Variants in DOCK9 observed in about 807,000 individuals in gnomAD.
DOCK9 encodes the protein dedicator of cytokinesis protein 9.
DOCK9 carries 89 observed loss-of-function variants against 263.3 expected under a neutral mutation model. That is an observed-to-expected ratio of 0.34 (90% confidence interval 0.28 to 0.40). The LOEUF (loss-of-function observed/expected upper bound fraction) is 0.40, where lower values mean the gene tolerates loss of function less well. Among genes scored for constraint, DOCK9 ranks in the 10% least tolerant of loss-of-function variants. The probability of loss-of-function intolerance (pLI) is 1.00; values close to 1 mark genes in which losing one functional copy is unlikely to be tolerated. For synonymous variants in DOCK9, 976 were observed against 973.1 expected, an observed-to-expected ratio of 1.00 and a Z score of -0.06; for missense variants, 2,140 against 2,603.4, an observed-to-expected ratio of 0.82 and a Z score of 3.87.
intron 7 of DOCK9, among the ~76,000 whole-genome samples, 191 bp downstream of exon 7, chr13:98,920,763 A>C (rs1236687280): frequency 6.6e-6 from 1 of 152,256 alleles, no homozygotes; most frequent in Non-Finnish European, 1.5e-5. Flanking sequence ...CCACAGCATA[A>C]TTCTGCCTCT....
At chr13:98,937,821 T>C (rs2140447101) in intron 2 of DOCK9, among the ~76,000 whole-genome samples, 1 of 152,196 alleles carries the variant, frequency 6.6e-6, no homozygotes, top group African/African-American at 2.4e-5. Flanking sequence ...ATGACAAATT[T>C]CAAATAGATC....
At position 98,879,898 on chromosome 13, in the gene DOCK9, C is replaced by A; in HGVS notation, c.2943G>T (p.Lys981Asn). 6.2e-7 allele frequency: 1 copy of A among 1,604,806 alleles called. No homozygotes were observed. Among genetic ancestry groups the A allele is most frequent in the Non-Finnish European group, 8.5e-7 (1 of 1,177,456 alleles). Residue 981 changes from lysine (K) to asparagine (N), a missense_variant and splice_region_variant, in exon 27 of 53, where the codon AAG (lysine) becomes AAT (asparagine). This residue lies in a region of DOCK9 where 1,521 missense variants were observed against 1,741.7 expected (regional missense o/e 0.87). Coordinates refer to ENST00000682017, the MANE Select transcript of DOCK9 (RefSeq NM_001366683.2). ...AQHLIENSKV[K>N]LLRNQRFPAS... ...CAAGCTTCCACTTGAAGTAACATAC[C>A]TTAACTTTGGAGTTCTCTATCAAAT...
At chr13:98,981,518 C>T (rs1877198338), upstream of DOCK9, among the ~76,000 whole-genome samples, 2 of 152,110 alleles carry the variant, frequency 1.3e-5, no homozygotes, top group South Asian at 4.2e-4. Context: ...TACTGAAATC[C>T]AAGATTGAGA....
intron 1 of DOCK9, among the ~76,000 whole-genome samples, chr13:98,960,573 G>A (rs2058522745): frequency 6.6e-6 from 1 of 152,184 alleles, no homozygotes; most frequent in African/African-American, 2.4e-5. Context: ...CCATAACGGT[G>A]GTTCTGAAAG....
intron 52 of DOCK9, among the ~76,000 whole-genome samples, 170 bp from the exon 53 acceptor site, chr13:98,794,918 T>C (rs1160250339): frequency 6.6e-6 from 1 of 152,224 alleles, no homozygotes; most frequent in Non-Finnish European, 1.5e-5. Flanking sequence ...CAAGCAGATA[T>C]TTCTCAATGT....
At chr13:98,797,087 A>C (rs376482658) in intron 52 of DOCK9, 28 bp downstream of exon 52, 48 of 1,613,678 alleles carry the variant, frequency 3.0e-5, no homozygotes, top group Non-Finnish European at 4.0e-5. Context: ...CAAGAACTCC[A>C]AGTTGTTGGA....
intron 1 of DOCK9, among the ~76,000 whole-genome samples, chr13:99,026,046 C>T (rs1403252840): frequency 4.7e-5 from 2 of 42,936 alleles, no homozygotes; most frequent in African/African-American, 1.7e-4. Flanking sequence ...GTCCGCAGTC[C>T]GGCCTGGGCA....
intron 1 of DOCK9, among the ~76,000 whole-genome samples, chr13:99,051,855 C>CAAAAAAA (rs11392986): frequency 0.12 from 12,818 of 104,828 alleles, 1,629 homozygotes; most frequent in East Asian, 0.22. Context: ...CCACTAGTGG[C>CAAAAAAA]AAAAAAAAAA....
chr13:98,813,854 T>C (rs1389799794), intron 45 of DOCK9, among the ~76,000 whole-genome samples: 1 of 152,176 alleles, frequency 6.6e-6, no homozygotes, highest in Non-Finnish European at 1.5e-5. Context: ...TTGGTCAGGC[T>C]GGTCTTAAAC....
At chr13:99,058,641 C>A (rs1022131135) in intron 1 of DOCK9, among the ~76,000 whole-genome samples, 2 of 152,180 alleles carry the variant, frequency 1.3e-5, no homozygotes, top group African/African-American at 4.8e-5. Flanking sequence ...GGGTTCCCCC[C>A]ATCCACCCTC....
chr13:98,886,505 C>T (rs1188149537), intron 19 of DOCK9, 27 bp downstream of exon 19: 11 of 1,600,750 alleles, frequency 6.9e-6, no homozygotes, highest in Admixed American at 5.1e-5. Flanking sequence ...TGGTCAAATT[C>T]GGTTTTCCCT....
intron 1 of DOCK9, among the ~76,000 whole-genome samples, chr13:99,004,278 T>C (rs553168317): frequency 6.6e-6 from 1 of 152,322 alleles, no homozygotes; most frequent in Admixed American, 6.5e-5. Flanking sequence ...ATCCAATGGA[T>C]GTCTGAGAAC....
chr13:99,051,855 CAAAAAAAAA>C lies in DOCK9; in HGVS notation c.129+34359_129+34367del, dbSNP rs11392986. On this transcript the variant is annotated intron_variant, in intron 1 of 32. Transcript: ENST00000427887. The stretch of plus-strand genomic sequence containing the variant: ...GCTAAAGAACATGTTCCACTAGTGG[CAAAAAAAAA>C]AAAAAAAAAAAAATCAGAACTCACA... 1.4e-3 allele frequency among the ~76,000 whole-genome samples: 150 copies of C among 106,050 alleles called. 3 individuals are homozygous for C. Among genetic ancestry groups the C allele is most frequent in the Non-Finnish European group, 2.5e-3 (133 of 52,488 alleles). The allele number at this position is 106,050 out of a possible 152,430, so 69.6% of individuals were successfully genotyped here.
chr13:98,848,979 C>T (rs1422671484), intron 36 of DOCK9, among the ~76,000 whole-genome samples: 3 of 152,182 alleles, frequency 2.0e-5, no homozygotes, highest in Admixed American at 1.3e-4. Context: ...AAAACATGTT[C>T]AAGACCATGC....
At chr13:98,939,973 G>A (rs2055549327) in intron 2 of DOCK9, among the ~76,000 whole-genome samples, 1 of 152,190 alleles carries the variant, frequency 6.6e-6, no homozygotes, top group African/African-American at 2.4e-5. Flanking sequence ...TTTGTATCGA[G>A]TGCAGTATTA....
chr13:98,857,884 C>A (rs996113967), intron 33 of DOCK9: 1 of 152,150 alleles, frequency 6.6e-6, no homozygotes, highest in Non-Finnish European at 1.5e-5. Flanking sequence ...TTTTTCTGTA[C>A]TCAGATAAGA....
In DOCK9 at chr13:98,829,652, C is replaced by T; in HGVS notation, c.4740G>A (p.Arg1580=). 6.2e-7 allele frequency: 1 copy of T among 1,603,590 alleles called. No homozygotes were observed. Reference sequence around the variant, plus strand: ...GGGCCAGGCTACCCACCTTAATAAGCCGGTCACTGTTGGCACAGTTGTTGA... The same window carrying T: ...GGGCCAGGCTACCCACCTTAATAAGTCGGTCACTGTTGGCACAGTTGTTGA... ...SIINNCANSD[R]LIKHTSFSSD... The change falls in exon 42 of 53, where the codon CGG becomes CGA. Residue 1580 remains arginine (R), a synonymous_variant. Coordinates refer to ENST00000682017, the MANE Select transcript of DOCK9 (RefSeq NM_001366683.2). The surrounding 1 kb of genome is among the most constrained non-coding windows in gnomAD (Gnocchi z 4.1).
intron 1 of DOCK9, among the ~76,000 whole-genome samples, chr13:99,075,848 T>C (rs980117450): frequency 1.3e-5 from 2 of 152,154 alleles, no homozygotes; most frequent in Non-Finnish European, 2.9e-5. Context: ...CTTCATGGGC[T>C]TAATGGAGAC....
chr13:99,025,579 T>C (rs577278125), intron 1 of DOCK9, among the ~76,000 whole-genome samples: 1 of 152,338 alleles, frequency 6.6e-6, no homozygotes, highest in South Asian at 2.1e-4. Context: ...GTGTTGAAAG[T>C]AGAACCCTCG....
Sources: allele counts gnomAD v4.1 joint callset (sites outside exome capture counted in the v4.1 genomes callset), GRCh38; gene constraint gnomAD v4.1.1; regional missense constraint gnomAD v4.1.1; non-coding constraint Gnocchi (gnomAD v3.1); transcripts MANE v1.5; gene names NCBI Gene and HGNC (gene_info 2026-07-23, HGNC 2026-07-21).